RNF4: variants seen among roughly 807,000 people sequenced by gnomAD.
The protein encoded by RNF4 is ring finger protein 4, also known as E3 ubiquitin-protein ligase RNF4.
In RNF4, 7 loss-of-function variants were observed where a neutral mutation model predicts 24.3. The ratio of observed to expected loss-of-function variants is 0.29; its 90% CI spans 0.16 to 0.54. RNF4 has a LOEUF of 0.54. Among genes scored for constraint, RNF4 ranks in the 20% least tolerant of loss-of-function variants. The probability of loss-of-function intolerance (pLI) is 0.95; values close to 1 mark genes in which losing one functional copy is unlikely to be tolerated. For missense variants in RNF4, 209 were observed against 248.5 expected, an observed-to-expected ratio of 0.84 and a Z score of 1.07; for synonymous variants, 83 against 84.3, an observed-to-expected ratio of 0.98 and a Z score of 0.09.
At chr4:2,470,784 G>A (rs1381438850) in intron 1 of RNF4, among the ~76,000 whole-genome samples, 1 of 151,600 alleles carries the variant, frequency 6.6e-6, no homozygotes, top group African/African-American at 2.4e-5. Context: ...GAGGATGGAG[G>A]GAATAAGAGA....
intron 1 of RNF4, among the ~76,000 whole-genome samples, chr4:2,477,449 G>A (rs185302417): frequency 6.6e-6 from 1 of 152,262 alleles, no homozygotes; most frequent in East Asian, 1.9e-4. Context: ...GCTGGACATG[G>A]TGGTACATGC....
At position 2,486,696 on chromosome 4, in the gene RNF4, C is replaced by A. The variant is rs377754372; in HGVS notation, c.-157-3641C>A. ...AGGCCAGGACAGCCACAAGGCACATCTTCAGCAGCCGTATTTGGAAGCCTC... is the reference window on the plus strand; with the variant it reads ...AGGCCAGGACAGCCACAAGGCACATATTCAGCAGCCGTATTTGGAAGCCTC... On this transcript the variant is annotated intron_variant, in intron 1 of 7. Transcript: ENST00000314289. 2.8e-4 allele frequency among the ~76,000 whole-genome samples: 43 copies of A among 152,280 alleles called. 1 individual carries two copies. The East Asian group carries it at 7.7e-3, about 27-fold the overall frequency.
At chr4:2,496,694 C>T (rs1049861911) in intron 2 of RNF4, among the ~76,000 whole-genome samples, 44 of 152,120 alleles carry the variant, frequency 2.9e-4, no homozygotes, top group African/African-American at 1.1e-3. Flanking sequence ...CTCCTCACCT[C>T]ATGATTCGCC....
chr4:2,510,627 C>A (rs1000069242), intron 4 of RNF4, among the ~76,000 whole-genome samples: 1 of 152,168 alleles, frequency 6.6e-6, no homozygotes, highest in Non-Finnish European at 1.5e-5. Context: ...CCTGGCTGCA[C>A]GGGAGTCAGA....
At chr4:2,496,176 G>A (rs934120002) in intron 2 of RNF4, among the ~76,000 whole-genome samples, 22 of 152,180 alleles carry the variant, frequency 1.4e-4, no homozygotes, top group Admixed American at 1.2e-3. Flanking sequence ...GGGAGTGATT[G>A]TCTGGTGTGA....
At chr4:2,488,377 C>A (rs1023231388) in intron 1 of RNF4, among the ~76,000 whole-genome samples, 4 of 152,190 alleles carry the variant, frequency 2.6e-5, no homozygotes, top group Non-Finnish European at 5.9e-5. Context: ...GCAGGAGAAT[C>A]ACTTGAACCT....
chr4:2,482,937 A>G (rs1193591137), intron 1 of RNF4, among the ~76,000 whole-genome samples: 1 of 152,184 alleles, frequency 6.6e-6, no homozygotes, highest in Admixed American at 6.5e-5. Context: ...CATCCTGCCA[A>G]GTCTGTTCTG....
chr4:2,500,570 A>ATC (rs373741405), intron 3 of RNF4, 89 bp from the exon 4 acceptor site: 1 of 1,236,666 alleles, frequency 8.1e-7, no homozygotes, highest in Non-Finnish European at 1.1e-6. Context: ...GGGTAAGCCT[A>ATC]TAACATTAGC....
At chr4:2,489,280 A>T (rs145997077) in intron 1 of RNF4, among the ~76,000 whole-genome samples, 380 of 152,298 alleles carry the variant, frequency 2.5e-3, no homozygotes, top group African/African-American at 7.3e-3. Flanking sequence ...GTAGACGGGC[A>T]CCCAGGGACA....
Position 2,512,969 on chromosome 4 carries a change from G to C in RNF4, c.375-114G>C. 9.7e-7 allele frequency: 1 copy of C among 1,029,650 alleles called. No individual in the cohort carries two copies. 63.8% of individuals were successfully genotyped at this position (1,029,650 alleles called of 1,614,324 possible). ...TCTCTCGGATGCCCGCGCTAAGGCAGAGTCAGGAGGCCAGGGACGGGACTC... is the reference window on the plus strand; with the variant it reads ...TCTCTCGGATGCCCGCGCTAAGGCACAGTCAGGAGGCCAGGGACGGGACTC... On this transcript the variant is annotated intron_variant, in intron 6 of 7. Coordinates refer to ENST00000314289, the MANE Select transcript of RNF4 (RefSeq NM_002938.5). This position sits in a 1 kb window ranked among gnomAD's most constrained non-coding sequence, Gnocchi z 4.1.
At chr4:2,498,556 A>G (rs374740340) in intron 3 of RNF4, among the ~76,000 whole-genome samples, 39 of 152,324 alleles carry the variant, frequency 2.6e-4, no homozygotes, top group African/African-American at 8.7e-4. Flanking sequence ...AAATTGTTGT[A>G]TATCAGTATA....
At chr4:2,494,941 T>G (rs2108765298) in intron 2 of RNF4, among the ~76,000 whole-genome samples, 1 of 152,372 alleles carries the variant, frequency 6.6e-6, no homozygotes, top group South Asian at 2.1e-4. Context: ...TAAATTTTGC[T>G]TTTAAGAGAA....
At chr4:2,485,131 TAGAC>T (rs904465033) in intron 1 of RNF4, among the ~76,000 whole-genome samples, 10 of 152,146 alleles carry the variant, frequency 6.6e-5, no homozygotes, top group Non-Finnish European at 1.2e-4. Flanking sequence ...CTGCTTCCTC[TAGAC>T]AGCCCGGCTT....
chr4:2,499,649 T>C (rs1735849704), intron 3 of RNF4, among the ~76,000 whole-genome samples: 1 of 152,186 alleles, frequency 6.6e-6, no homozygotes, highest in Admixed American at 6.5e-5. Context: ...TTTTACTTTA[T>C]ATAAATGGAA....
chr4:2,513,464 G>A (rs575033709), intron 7 of RNF4, among the ~76,000 whole-genome samples: 90 of 152,268 alleles, frequency 5.9e-4, no homozygotes, highest in African/African-American at 2.0e-3. Context: ...TCACACTGTT[G>A]AGATGCCATG....
At chr4:2,507,309 TAGAA>T (rs1193112857) in intron 4 of RNF4, among the ~76,000 whole-genome samples, 2 of 152,038 alleles carry the variant, frequency 1.3e-5, no homozygotes, top group Admixed American at 6.6e-5. Flanking sequence ...CCCAATTCCA[TAGAA>T]AGAAAGAAGA....
chr4:2,495,827 C>G (rs1324416651), intron 2 of RNF4, among the ~76,000 whole-genome samples: 1 of 152,134 alleles, frequency 6.6e-6, no homozygotes, highest in African/African-American at 2.4e-5. Flanking sequence ...AGACGGGTTT[C>G]ACCGTGTTGC....
chr4:2,490,317 T>C lies in RNF4; in HGVS notation c.-157-20T>C, dbSNP rs913520574. 1.5e-4 allele frequency: 88 copies of C among 605,164 alleles called. No homozygotes were observed. Among genetic ancestry groups the C allele is most frequent in the Middle Eastern group, 1.3e-3 (3 of 2,258 alleles). 37.5% of individuals were successfully genotyped at this position (605,164 alleles called of 1,614,324 possible). ...GATGTAAGTGGCAGTATTTATCAAA[T>C]TAATATCTTTGTTTTTCAGGACTTG... On this transcript the variant is annotated intron_variant, in intron 1 of 7. Transcript: ENST00000314289.
chr4:2,502,854 A>G (rs1004360219), intron 4 of RNF4, among the ~76,000 whole-genome samples: 5 of 151,428 alleles, frequency 3.3e-5, no homozygotes, highest in African/African-American at 4.9e-5. Context: ...AAAAAAAAAA[A>G]AAAAGAAAAG....
Sources: gnomAD v4.1 joint callset for allele counts (sites outside exome capture counted in the v4.1 genomes callset) on GRCh38, gnomAD v4.1.1 for gene constraint, Gnocchi (gnomAD v3.1) non-coding constraint, MANE v1.5 for transcripts, NCBI Gene and HGNC (gene_info 2026-07-23, HGNC 2026-07-21) for gene names.